The following COA7 variants were observed in gnomAD, a reference collection of about 807,000 sequenced individuals.
The protein encoded by COA7 is Sel1 repeat containing 1.
COA7 carries 12 observed loss-of-function variants against 21.0 expected under a neutral mutation model. The ratio of observed to expected loss-of-function variants is 0.57; its 90% CI spans 0.37 to 0.92. COA7 has a LOEUF of 0.92. COA7 is among the 40% of genes least tolerant of loss of function. The pLI is 0.01. For missense variants in COA7, 240 were observed against 286.1 expected, an observed-to-expected ratio of 0.84 and a Z score of 1.16; for synonymous variants, 95 against 107.4, an observed-to-expected ratio of 0.88 and a Z score of 0.72.
chr1:52,692,677 G>T (rs201164771), intron 2 of COA7, 50 bp downstream of exon 2: 484 of 1,608,148 alleles, frequency 3.0e-4, no homozygotes, highest in Non-Finnish European at 3.9e-4. Context: ...TCAGGTGTGA[G>T]GCCAGCACTG....
intron 2 of COA7, among the ~76,000 whole-genome samples, chr1:52,689,349 T>A (rs1377434707): frequency 6.6e-6 from 1 of 150,830 alleles, no homozygotes; most frequent in East Asian, 2.0e-4. Flanking sequence ...AGAGACGGGG[T>A]TTCACCACGT....
At chr1:52,688,390 A>G (rs1323164945) in intron 2 of COA7, among the ~76,000 whole-genome samples, 1 of 152,074 alleles carries the variant, frequency 6.6e-6, no homozygotes, top group Non-Finnish European at 1.5e-5. Flanking sequence ...CTACAGGCAC[A>G]CACCAACCAC....
chr1:52,687,982 C>G lies in COA7; in HGVS notation c.434G>C (p.Gly145Ala). The G allele has an allele frequency of 1.2e-6, 2 of 1,614,192 alleles. No individual in the cohort carries two copies. The highest frequency in any genetic ancestry group is 1.7e-6 in the Non-Finnish European group (2 of 1,180,042). Residue 145 changes from glycine (G) to alanine (A), a missense_variant, in exon 3 of 3, where the codon GGC (glycine) becomes GCC (alanine). Physicochemically the swap from Gly to Ala is moderately conservative, Grantham distance 60. Around this residue, in one of 3 missense-constraint regions of COA7, gnomAD observed 163 missense variants for 214.1 expected, o/e 0.76. Transcript: ENST00000371538. The stretch of plus-strand genomic sequence containing the variant: ...GAGGTTGAAGCAACTGGAAGTATAG[C>G]CACCATCACAGGCCCTTGTGTAGTA... ...RDYYTRACDG[G>A]YTSSCFNLSA...
intron 1 of COA7, among the ~76,000 whole-genome samples, 163 bp from the exon 2 acceptor site, chr1:52,693,030 G>A (rs1644059233): frequency 6.6e-6 from 1 of 152,108 alleles, no homozygotes. Flanking sequence ...AAAGAATGTA[G>A]GTGGTGTTTA....
intron 1 of COA7, among the ~76,000 whole-genome samples, 162 bp from the exon 2 acceptor site, chr1:52,693,029 AGGT>A (rs1055326871): frequency 2.0e-5 from 3 of 152,096 alleles, no homozygotes; most frequent in African/African-American, 7.2e-5. Context: ...CAAAGAATGT[AGGT>A]GGTGTTTAGC....
In COA7 at chr1:52,698,270, G is replaced by A. The variant is rs369212909; in HGVS notation, c.57C>T (p.Asn19=). 50 of 1,612,980 alleles carry A rather than the reference G, an allele frequency of 3.1e-5. No homozygotes were observed. The East Asian group carries it at 5.8e-4, about 19-fold the overall frequency. ...DEEQVKSFLE[N]MEVECNYHCY... is the part of the protein sequence containing the mutation. The stretch of plus-strand genomic sequence containing the variant: ...AGTGGTAGTTGCACTCCACCTCCAT[G>A]TTCTCCAAAAAGGACTTGACCTGCT... The change falls in exon 1 of 3, where the codon AAC becomes AAT. Residue 19 remains asparagine, a synonymous_variant. Coordinates refer to ENST00000371538, the MANE Select transcript of COA7 (RefSeq NM_023077.3).
At chr1:52,695,005 T>C (rs1370800507) in intron 1 of COA7, among the ~76,000 whole-genome samples, 1 of 152,030 alleles carries the variant, frequency 6.6e-6, no homozygotes, top group Non-Finnish European at 1.5e-5. Flanking sequence ...ATAAGTAATA[T>C]GATTCAGGCC....
chr1:52,691,145 C>G (rs117494872), intron 2 of COA7, among the ~76,000 whole-genome samples: 3,128 of 151,890 alleles, frequency 0.021, 73 homozygotes, highest in East Asian at 0.14. Context: ...TGGCCAGGTG[C>G]AGTGGCTCAC....
intron 1 of COA7, among the ~76,000 whole-genome samples, chr1:52,693,659 T>C (rs998045885): frequency 1.3e-5 from 2 of 150,014 alleles, no homozygotes; most frequent in African/African-American, 4.9e-5. Flanking sequence ...GTAATGACTA[T>C]AGCTTACTCC....
rs149619059 is a variant in COA7 at position 52,688,009 on chromosome 1, T to C, written c.407A>G (p.Asp136Gly). ...ACCATCACAGGCCCTTGTGTAGTAG[T>C]CCCTGGCCTTTCCCAAGTCAGGCTG... ...DGQPDLGKAR[D>G]YYTRACDGGY... The change falls in exon 3 of 3, where the codon GAC becomes GGC. Residue 136 changes from aspartate (D) to glycine (G), a missense_variant. Asp to Gly is a moderately conservative substitution (Grantham distance 94). This residue lies in a region of COA7 where 163 missense variants were observed against 214.1 expected (regional missense o/e 0.76). Coordinates refer to ENST00000371538, the MANE Select transcript of COA7 (RefSeq NM_023077.3). 26 of 1,614,024 alleles carry C rather than the reference T, an allele frequency of 1.6e-5. No homozygotes were observed. The highest frequency in any genetic ancestry group is 2.2e-5 in the Non-Finnish European group (26 of 1,180,038).
In COA7 at chr1:52,692,755, T is replaced by C; in HGVS notation, c.219A>G (p.Lys73=). The C allele has an allele frequency of 6.2e-7, 1 of 1,614,170 alleles. No homozygotes were observed. Among genetic ancestry groups the C allele is most frequent in the East Asian group, 2.2e-5 (1 of 44,886 alleles). The change falls in exon 2 of 3, where the codon AAA becomes AAG. Residue 73 remains lysine, a synonymous_variant. Coordinates refer to ENST00000371538, the MANE Select transcript of COA7 (RefSeq NM_023077.3). ...TTCCAGTCACATAGTAGGCCCCCAG[T>C]TTGTAGCAGCTATCACTGTGCTGGT... ...EENQHSDSCY[K]LGAYYVTGKG... is the part of the protein sequence containing the mutation.
chr1:52,697,369 A>G (rs1438354762), intron 1 of COA7, among the ~76,000 whole-genome samples: 3 of 152,232 alleles, frequency 2.0e-5, no homozygotes, highest in African/African-American at 7.2e-5. Flanking sequence ...TTCACACAAC[A>G]CACAGGACAC....
At position 52,692,858 on chromosome 1, in the gene COA7, C is replaced by A; in HGVS notation, c.116G>T (p.Arg39Leu). ...YHEKDPDGCYRLVDYLEGIRK... is the reference protein window; with the variant it reads ...YHEKDPDGCYLLVDYLEGIRK... ...GATCCCTTCCAAATAGTCCACCAGC[C>A]GATAGCAACCTGCGAGAAGAGGGCA... Residue 39 changes from arginine to leucine, a missense_variant, in exon 2 of 3, where the codon CGG (arginine) becomes CTG (leucine). Transcript: ENST00000371538. 1 of 1,614,130 alleles carries A rather than the reference C, an allele frequency of 6.2e-7. No individual in the cohort carries two copies. The highest frequency in any genetic ancestry group is 8.5e-7 in the Non-Finnish European group (1 of 1,180,028).
chr1:52,693,174 C>T (rs1644060284), intron 1 of COA7, among the ~76,000 whole-genome samples: 1 of 152,194 alleles, frequency 6.6e-6, no homozygotes, highest in South Asian at 2.1e-4. Flanking sequence ...CCCAAGTATC[C>T]ACTGACTTCC....
chr1:52,696,559 C>T (rs1044588888), intron 1 of COA7, among the ~76,000 whole-genome samples: 5 of 152,052 alleles, frequency 3.3e-5, no homozygotes, highest in Admixed American at 6.6e-5. Flanking sequence ...GTGTTATGGT[C>T]TATGTTACGG....
chr1:52,697,998 T>C (rs1396233701), intron 1 of COA7: 2 of 549,828 alleles, frequency 3.6e-6, no homozygotes, highest in Non-Finnish European at 6.5e-6. Context: ...CCCCAGTCCC[T>C]AACCCAAAAG....
intron 1 of COA7, among the ~76,000 whole-genome samples, chr1:52,694,732 A>C (rs1029777095): frequency 8.0e-6 from 1 of 124,352 alleles, no homozygotes; most frequent in Non-Finnish European, 1.9e-5. Flanking sequence ...GGATTTGGAA[A>C]AAATTTAAAA....
Position 52,692,660 on chromosome 1 carries a change from A to G in COA7, c.247+67T>C, listed in dbSNP as rs1644056009. On this transcript the variant is annotated intron_variant, in intron 2 of 2. Coordinates refer to ENST00000371538, the MANE Select transcript of COA7 (RefSeq NM_023077.3). ...CGAGACCCTTCTGCAAGAGCTTATC[A>G]TGGGGCTCAGGTGTGAGGCCAGCAC... 4.4e-6 allele frequency: 7 copies of G among 1,577,398 alleles called. No individual in the cohort carries two copies. In the South Asian group the frequency reaches 7.9e-5, roughly 18 times the overall value.
rs1643996516 is a variant in COA7, at chr1:52,685,601, C to CT, written c.*2118dup. On this transcript the variant is annotated 3_prime_UTR_variant, in exon 3 of 3. Coordinates refer to ENST00000371538, the MANE Select transcript of COA7 (RefSeq NM_023077.3). ...TGTTTTTTTGAGACAGAGTCTCACTCTGTTACCTGGCTGGAGTGCAATGGC... is the reference window on the plus strand; with the variant it reads ...TGTTTTTTTGAGACAGAGTCTCACTCTTGTTACCTGGCTGGAGTGCAATGGC... The CT allele has an allele frequency of 6.6e-6, 1 of 151,932 alleles. No individual in the cohort carries two copies. The highest frequency in any genetic ancestry group is 1.5e-5 in the Non-Finnish European group (1 of 68,024). The allele number at this position is 151,932 out of a possible 1,614,324, so 9.4% of individuals were successfully genotyped here. A position where few individuals can be genotyped will look rare whatever the true frequency, so the allele number is the denominator to read the frequency against.
Sources: gnomAD v4.1 joint callset for allele counts (sites outside exome capture counted in the v4.1 genomes callset) on GRCh38, gnomAD v4.1.1 for gene constraint, gnomAD v4.1.1 regional missense constraint, MANE v1.5 for transcripts, NCBI Gene and HGNC (gene_info 2026-07-23, HGNC 2026-07-21) for gene names.